Variants in C10orf90 observed in about 807,000 individuals in gnomAD.
C10orf90 encodes the protein (E2-independent) E3 ubiquitin-conjugating enzyme FATS.
In C10orf90, 56 loss-of-function variants were observed where a neutral mutation model predicts 62.5. The observed-to-expected ratio is 0.90, with a 90% CI of 0.72 to 1.12. The LOEUF (loss-of-function observed/expected upper bound fraction) is 1.12. Ranked by LOEUF, C10orf90 falls within the 50% of genes most tolerant of loss-of-function variation. The pLI is 0.00. For missense variants in C10orf90, 970 were observed against 880.4 expected (o/e 1.10, Z -1.29); for synonymous variants, 386 against 340.4 (o/e 1.13, Z -1.47).
intron 2 of C10orf90, among the ~76,000 whole-genome samples, chr10:126,545,474 A>C (rs1864469808): frequency 6.7e-6 from 1 of 150,212 alleles, no homozygotes; most frequent in Non-Finnish European, 1.5e-5. Context: ...TAAAAAAAAA[A>C]CCTTTAAAAG....
At chr10:126,533,982 G>A (rs1409498580) in intron 2 of C10orf90, among the ~76,000 whole-genome samples, 1 of 152,160 alleles carries the variant, frequency 6.6e-6, no homozygotes, top group African/African-American at 2.4e-5. Flanking sequence ...GTGCAAGCTG[G>A]AGCCGCATTA....
At position 126,456,195 on chromosome 10, in the gene C10orf90, C is replaced by T. The variant is rs941277948; in HGVS notation, c.2188+2845G>A. On this transcript the variant is annotated intron_variant, in intron 7 of 9. Transcript: ENST00000488181. This position sits in a 1 kb window ranked among gnomAD's most constrained non-coding sequence, Gnocchi z 4.9. Reference sequence around the variant, plus strand: ...CTGAAGACAAGATGTGTACTGCAGACTTGTTTAATAGGGCCTTAAACATTT... The same window carrying T: ...CTGAAGACAAGATGTGTACTGCAGATTTGTTTAATAGGGCCTTAAACATTT... Among the ~76,000 whole-genome samples, 3 of 152,260 alleles carry T rather than the reference C, an allele frequency of 2.0e-5. No individual in the cohort carries two copies. The highest frequency in any genetic ancestry group is 7.2e-5 in the African/African-American group (3 of 41,464).
At chr10:126,474,860 A>C (rs1474249770) in intron 4 of C10orf90, among the ~76,000 whole-genome samples, 1 of 152,218 alleles carries the variant, frequency 6.6e-6, no homozygotes, top group Non-Finnish European at 1.5e-5. Flanking sequence ...GATGGCCTGC[A>C]GGCCTCCCCC....
At chr10:126,532,718 T>A (rs1288364787) in intron 2 of C10orf90, among the ~76,000 whole-genome samples, 1 of 149,274 alleles carries the variant, frequency 6.7e-6, no homozygotes, top group Non-Finnish European at 1.5e-5. Context: ...GTGCCTGTAG[T>A]CCCAGCTACT....
At chr10:126,668,673 C>A (rs2133882221) in intron 1 of C10orf90, among the ~76,000 whole-genome samples, 1 of 152,292 alleles carries the variant, frequency 6.6e-6, no homozygotes, top group East Asian at 1.9e-4. Flanking sequence ...GCTGAGGAGG[C>A]AGGCCCTTCC....
At chr10:126,491,090 A>G (rs772311352) in intron 4 of C10orf90, among the ~76,000 whole-genome samples, 9 of 152,230 alleles carry the variant, frequency 5.9e-5, no homozygotes, top group Non-Finnish European at 1.2e-4. Flanking sequence ...AGAATATAAA[A>G]TAGGTAAGGA....
intron 2 of C10orf90, among the ~76,000 whole-genome samples, chr10:126,541,488 T>C (rs1246750493): frequency 6.6e-6 from 1 of 152,208 alleles, no homozygotes; most frequent in African/African-American, 2.4e-5. Flanking sequence ...TCAAGGACTC[T>C]TATAACTCAA....
intron 2 of C10orf90, among the ~76,000 whole-genome samples, chr10:126,639,157 G>A (rs1355615464): frequency 6.6e-6 from 1 of 152,214 alleles, no homozygotes; most frequent in Non-Finnish European, 1.5e-5. Context: ...AGGCTCTGAT[G>A]CTACAGGCCT....
chr10:126,614,943 T>A (rs11245060), intron 2 of C10orf90, among the ~76,000 whole-genome samples: 25,693 of 152,098 alleles, frequency 0.17, 2,661 homozygotes, highest in Middle Eastern at 0.29. Context: ...AAATGACATA[T>A]GTTTATTATT....
rs116963587 is a variant in C10orf90, at chr10:126,599,452, G to A, written c.313+47113C>T. ...CCTGACCTCGTGATCCACCTGCCTC[G>A]GCCTCCCAAAGTGCTGGATTCCACT... is the stretch of plus-strand genomic sequence containing the variant. On this transcript the variant is annotated intron_variant, in intron 2 of 9. Transcript: ENST00000488181. Among the ~76,000 whole-genome samples, 587 of 151,408 alleles carry A rather than the reference G, an allele frequency of 3.9e-3. 3 individuals carry two copies. Among genetic ancestry groups the A allele is most frequent in the Admixed American group, 8.6e-3 (130 of 15,196 alleles).
At chr10:126,508,687 G>A (rs541823096) in intron 3 of C10orf90, among the ~76,000 whole-genome samples, 41 of 152,240 alleles carry the variant, frequency 2.7e-4, no homozygotes, top group African/African-American at 7.0e-4. Flanking sequence ...AGCGTGGGCC[G>A]GGACTCCCAT....
chr10:126,513,263 A>C (rs1317335977), intron 3 of C10orf90, among the ~76,000 whole-genome samples: 2 of 152,308 alleles, frequency 1.3e-5, no homozygotes, highest in African/African-American at 4.8e-5. Context: ...GGGGCAAGTC[A>C]CCTACTGAAG....
chr10:126,513,833 A>C lies in C10orf90; in HGVS notation c.405+15T>G. ...CATTTTGCTGACTATTCTAGAAGTT[A>C]GAAATGTATGTTACCTTGGTGAAGT... On this transcript the variant is annotated intron_variant, in intron 3 of 9. Transcript: ENST00000488181. The C allele has an allele frequency of 6.5e-7, 1 of 1,540,780 alleles. No homozygotes were observed. Among genetic ancestry groups the C allele is most frequent in the Non-Finnish European group, 9.0e-7 (1 of 1,114,746 alleles).
At chr10:126,528,412 T>C (rs1453794300) in intron 2 of C10orf90, among the ~76,000 whole-genome samples, 1 of 152,182 alleles carries the variant, frequency 6.6e-6, no homozygotes, top group East Asian at 1.9e-4. Flanking sequence ...CTCTTGATGC[T>C]TGAAAAACAG....
chr10:126,475,459 T>C (rs1225932150), intron 4 of C10orf90, among the ~76,000 whole-genome samples: 1 of 152,232 alleles, frequency 6.6e-6, no homozygotes, highest in Non-Finnish European at 1.5e-5. Context: ...ATTTTGAATA[T>C]TGGCACATCG....
chr10:126,496,022 G>A (rs1387766809), intron 4 of C10orf90, among the ~76,000 whole-genome samples: 1 of 152,180 alleles, frequency 6.6e-6, no homozygotes, highest in African/African-American at 2.4e-5. Flanking sequence ...CCATTCCCAA[G>A]CCCGTGGTGC....
intron 2 of C10orf90, among the ~76,000 whole-genome samples, chr10:126,626,345 A>G (rs941695189): frequency 2.6e-5 from 4 of 152,110 alleles, no homozygotes; most frequent in African/African-American, 9.7e-5. Context: ...GTATTGTCCT[A>G]TGGGGACCAT....
At chr10:126,494,659 C>A (rs1861945690) in intron 4 of C10orf90, among the ~76,000 whole-genome samples, 1 of 152,190 alleles carries the variant, frequency 6.6e-6, no homozygotes, top group Non-Finnish European at 1.5e-5. Flanking sequence ...TCCTTGCATG[C>A]AAATGTTTCA....
chr10:126,606,419 G>C (rs1845312902), intron 2 of C10orf90, among the ~76,000 whole-genome samples: 1 of 152,188 alleles, frequency 6.6e-6, no homozygotes, highest in African/African-American at 2.4e-5. Context: ...CATTGGCTAT[G>C]ATCCATGAAC....
Sources: gnomAD v4.1 joint callset for allele counts (sites outside exome capture counted in the v4.1 genomes callset) on GRCh38, gnomAD v4.1.1 for gene constraint, Gnocchi (gnomAD v3.1) non-coding constraint, MANE v1.5 for transcripts, NCBI Gene and HGNC (gene_info 2026-07-23, HGNC 2026-07-21) for gene names.